Variants in SLC9A7 observed in about 807,000 individuals in gnomAD.
SLC9A7 encodes the protein sodium/hydrogen exchanger 7.
SLC9A7 carries 19 observed loss-of-function variants against 52.6 expected under a neutral mutation model. The observed-to-expected ratio is 0.36, with a 90% confidence interval of 0.25 to 0.53. The LOEUF (loss-of-function observed/expected upper bound fraction) is 0.53. SLC9A7 is among the 20% of genes least tolerant of loss of function. The probability of loss-of-function intolerance (pLI) is 0.91; values close to 1 mark genes in which losing one functional copy is unlikely to be tolerated. For synonymous variants in SLC9A7, 226 were observed against 252.1 expected (o/e 0.90, Z 0.98); for missense variants, 455 against 597.9 (o/e 0.76, Z 2.49).
intron 3 of SLC9A7, among the ~76,000 whole-genome samples, chrX:46,676,922 G>A (rs1014727772): frequency 5.4e-5 from 6 of 111,410 alleles, no homozygotes; most frequent in Non-Finnish European, 5.7e-5. Context: ...TCAGTCCCGC[G>A]TTATCTACGT....
At chrX:46,652,778 G>C (rs886148380) in intron 8 of SLC9A7, among the ~76,000 whole-genome samples, 1 of 111,213 alleles carries the variant, frequency 9.0e-6, no homozygotes, top group African/African-American at 3.3e-5. Context: ...AAGAATGTGA[G>C]GAAGTAAAAC....
At chrX:46,617,358 T>G (rs1196214641) in intron 15 of SLC9A7, among the ~76,000 whole-genome samples, 1 of 112,110 alleles carries the variant, frequency 8.9e-6, no homozygotes, top group African/African-American at 3.2e-5. Flanking sequence ...CATAATTGTT[T>G]AATTAGTCCC....
At chrX:46,749,699 C>A (rs1922095529) in intron 1 of SLC9A7, among the ~76,000 whole-genome samples, 1 of 111,697 alleles carries the variant, frequency 9.0e-6, no homozygotes, top group Non-Finnish European at 1.9e-5. Context: ...TGATCTAGCA[C>A]AGGAAAACTA....
chrX:46,613,497 TC>T, intron 15 of SLC9A7, 103 bp from the exon 16 acceptor site: 1 of 524,193 alleles, frequency 1.9e-6, no homozygotes, highest in Non-Finnish European at 3.1e-6. Context: ...AACCTTCTTT[TC>T]CCCATTTTAC....
intron 13 of SLC9A7, among the ~76,000 whole-genome samples, chrX:46,633,371 A>C (rs1055837828): frequency 8.1e-5 from 8 of 98,991 alleles, no homozygotes; most frequent in African/African-American, 2.6e-4. Context: ...AAAAAAAAAA[A>C]AAAAAAAAAA....
chrX:46,602,783 T>C lies in SLC9A7; in HGVS notation c.*4169A>G, dbSNP rs1057044552. On this transcript the variant is annotated 3_prime_UTR_variant, in exon 17 of 17. Transcript: ENST00000616978. ...CTTATGCCAGACTGGCAGCAGATAG[T>C]TGGCCTTGTGTTGAATGATGCCTGA... 2.7e-5 allele frequency: 3 copies of C among 112,748 alleles called. No individual in the cohort carries two copies. The highest frequency in any genetic ancestry group is 5.6e-5 in the Non-Finnish European group (3 of 53,367). 9.3% of individuals were successfully genotyped at this position (112,748 alleles called of 1,213,427 possible).
intron 1 of SLC9A7, among the ~76,000 whole-genome samples, chrX:46,738,096 AAAGAAAGAAAG>A (rs1921003609): frequency 1.3e-5 from 1 of 75,520 alleles, no homozygotes; most frequent in Non-Finnish European, 3.2e-5. Flanking sequence ...AGAAAGAAAG[AAAGAAAGAAAG>A]AGAAAAGAAA....
At chrX:46,728,433 A>G (rs1033530032) in intron 1 of SLC9A7, among the ~76,000 whole-genome samples, 2 of 112,479 alleles carry the variant, frequency 1.8e-5, no homozygotes, top group African/African-American at 6.4e-5. Context: ...GGGAAATGCA[A>G]ATTAAAACAG....
Position 46,643,365 on chromosome X carries a change from G to A in SLC9A7, c.1487C>T (p.Ala496Val), listed in dbSNP as rs1943437195. The A allele has an allele frequency of 8.3e-7, 1 of 1,210,248 alleles. No homozygotes were observed. Among genetic ancestry groups the A allele is most frequent in the Non-Finnish European group, 1.1e-6 (1 of 894,406 alleles). ...GGATGCCGTGTCACGGATGGCCAAC[G>A]CAAATGCCATTGCTCCCCTGAGGCC... ...FSGLRGAMAF[A>V]LAIRDTASYA... Residue 496 changes from alanine to valine, a missense_variant, in exon 12 of 17, where the codon GCG (alanine) becomes GTG (valine). Physicochemically the swap from Ala to Val is moderately conservative, Grantham distance 64. This residue lies in a region of SLC9A7 where 304 missense variants were observed against 417.8 expected (regional missense o/e 0.73). Coordinates refer to ENST00000616978, the MANE Select transcript of SLC9A7 (RefSeq NM_001257291.2).
chrX:46,626,171 T>C (rs1738566609), intron 14 of SLC9A7, among the ~76,000 whole-genome samples: 1 of 112,503 alleles, frequency 8.9e-6, no homozygotes, highest in Admixed American at 9.4e-5. Flanking sequence ...CAAAACTTTA[T>C]TGTTTTAAGC....
intron 4 of SLC9A7, among the ~76,000 whole-genome samples, chrX:46,671,463 G>A (rs1252280918): frequency 9.2e-6 from 1 of 108,843 alleles, no homozygotes; most frequent in Non-Finnish European, 1.9e-5. Context: ...TAGAGACGGG[G>A]TTTCACCATG....
intron 15 of SLC9A7, among the ~76,000 whole-genome samples, chrX:46,618,837 G>C (rs957774870): frequency 9.1e-6 from 1 of 109,732 alleles, no homozygotes; most frequent in East Asian, 2.9e-4. Context: ...CCAGCTACTC[G>C]GGAGGCTAAG....
In SLC9A7 at chrX:46,713,606, T is replaced by G. The variant is rs1035571312; in HGVS notation, c.326-31071A>C. On this transcript the variant is annotated intron_variant, in intron 1 of 16. Transcript: ENST00000616978. ...CCTTTAGCAAGCAGAGGACTTAACA[T>G]TGAAAGTTTTTTCTGCGGAGGGTCA... Among the ~76,000 whole-genome samples, 19 of 110,024 alleles carry G rather than the reference T, an allele frequency of 1.7e-4. 1 individual carries two copies. The highest frequency in any genetic ancestry group is 1.7e-3 in the Admixed American group (17 of 10,233).
chrX:46,614,384 GA>G (rs368266090), intron 15 of SLC9A7, among the ~76,000 whole-genome samples: 45 of 111,463 alleles, frequency 4.0e-4, no homozygotes, highest in African/African-American at 1.4e-3. Context: ...ATACTGTACT[GA>G]AAATGAAAAA....
intron 1 of SLC9A7, among the ~76,000 whole-genome samples, chrX:46,729,490 C>T (rs895047276): frequency 4.5e-5 from 5 of 111,970 alleles, no homozygotes; most frequent in African/African-American, 1.6e-4. Flanking sequence ...TTATCTCTTG[C>T]TGGCTGGGCG....
In SLC9A7 at chrX:46,688,458, G is replaced by GC. The variant is rs537558533; in HGVS notation, c.326-5924_326-5923insG. Among the ~76,000 whole-genome samples, 82 of 110,604 alleles carry GC rather than the reference G, an allele frequency of 7.4e-4. 1 individual carries two copies. The South Asian group carries it at 0.031, about 42-fold the overall frequency. On this transcript the variant is annotated intron_variant, in intron 1 of 16. Transcript: ENST00000616978. ...ACTAAAAATACAAAATTAGCTGGAC[G>GC]TTGTGGCACATGCCTGTAATCCTAG...
chrX:46,674,381 A>C (rs1023123132), intron 3 of SLC9A7, among the ~76,000 whole-genome samples: 2 of 112,475 alleles, frequency 1.8e-5, no homozygotes, highest in African/African-American at 6.5e-5. Context: ...TATTTTGAAA[A>C]GCTATACTAC....
chrX:46,658,924 A>G (rs1209563211), intron 7 of SLC9A7, among the ~76,000 whole-genome samples: 1 of 111,206 alleles, frequency 9.0e-6, no homozygotes, highest in Non-Finnish European at 1.9e-5. Flanking sequence ...CAACCAAAAA[A>G]GAGAATTTTA....
At chrX:46,690,712 G>A (rs1944369228) in intron 1 of SLC9A7, among the ~76,000 whole-genome samples, 1 of 111,750 alleles carries the variant, frequency 8.9e-6, no homozygotes, top group African/African-American at 3.3e-5. Flanking sequence ...TATTTCTTAT[G>A]TTTTTAAGTG....
Sources: gnomAD v4.1 joint callset for allele counts (sites outside exome capture counted in the v4.1 genomes callset) on GRCh38, gnomAD v4.1.1 for gene constraint, gnomAD v4.1.1 regional missense constraint, MANE v1.5 for transcripts, NCBI Gene and HGNC (gene_info 2026-07-23, HGNC 2026-07-21) for gene names.